The following EML6 variants were observed in gnomAD, a reference collection of about 807,000 sequenced individuals.
EML6 encodes EMAP like 6.
EML6 carries 154 observed loss-of-function variants against 240.1 expected under a neutral mutation model. That is an observed-to-expected ratio of 0.64 (90% confidence interval 0.56 to 0.73). The LOEUF is 0.73. Ranked by LOEUF, EML6 falls within the 30% of genes least tolerant of loss-of-function variation. The pLI, the probability that EML6 is intolerant of heterozygous loss-of-function variation, is 0.00. For missense variants in EML6, 2,964 were observed against 2,474.6 expected, an observed-to-expected ratio of 1.20 and a Z score of -4.20; for synonymous variants, 1,148 against 899.0, an observed-to-expected ratio of 1.28 and a Z score of -4.95.
intron 24 of EML6, among the ~76,000 whole-genome samples, chr2:54,907,771 G>A (rs951735704): frequency 6.6e-6 from 1 of 152,180 alleles, no homozygotes; most frequent in Non-Finnish European, 1.5e-5. Flanking sequence ...GAATAAAAAT[G>A]TGATTCTGAA....
intron 5 of EML6, among the ~76,000 whole-genome samples, chr2:54,823,312 C>G (rs1668416993): frequency 6.6e-6 from 1 of 152,086 alleles, no homozygotes; most frequent in South Asian, 2.1e-4. Flanking sequence ...GGAGGCAGAA[C>G]TAGGCGAGGG....
intron 5 of EML6, among the ~76,000 whole-genome samples, chr2:54,827,031 A>AG (rs1668631371): frequency 6.6e-6 from 1 of 151,928 alleles, no homozygotes; most frequent in Non-Finnish European, 1.5e-5. Flanking sequence ...AAATTAGCTG[A>AG]GCTTGGTGGT....
chr2:54,951,908 G>C (rs936290605), intron 30 of EML6, among the ~76,000 whole-genome samples: 1 of 151,738 alleles, frequency 6.6e-6, no homozygotes, highest in Non-Finnish European at 1.5e-5. Flanking sequence ...CCTTCCTTGT[G>C]TATCTACACC....
intron 10 of EML6, among the ~76,000 whole-genome samples, chr2:54,850,932 AAAAG>A (rs1347221795): frequency 1.3e-5 from 2 of 152,262 alleles, no homozygotes; most frequent in African/African-American, 2.4e-5. Flanking sequence ...CTGAGCAAAC[AAAAG>A]AAAGTTGTGG....
intron 2 of EML6, among the ~76,000 whole-genome samples, chr2:54,753,662 GTTTTT>G (rs59382484): frequency 7.5e-6 from 1 of 133,802 alleles, no homozygotes. Flanking sequence ...GCAGTCCTGA[GTTTTT>G]TTTTTTTTTT....
rs947831290 is a variant in EML6, at chr2:54,869,133, A to G, written c.2052-48A>G. 7 of 1,326,080 alleles carry G rather than the reference A, an allele frequency of 5.3e-6. No homozygotes were observed. In the Admixed American group the frequency reaches 1.4e-4, roughly 27 times the overall value. 82.1% of individuals were successfully genotyped at this position (1,326,080 alleles called of 1,614,324 possible). A position where few individuals can be genotyped will look rare whatever the true frequency, so the allele number is the denominator to read the frequency against. On this transcript the variant is annotated intron_variant, in intron 14 of 41. Transcript: ENST00000356458. ...GCCTCTGACACCTCCTGCTCCATGC[A>G]TTTGCTGTTTGTTCAACCACTATGC...
At chr2:54,911,073 T>G (rs982580407) in intron 25 of EML6, 31 bp downstream of exon 25, 6 of 1,193,186 alleles carry the variant, frequency 5.0e-6, no homozygotes, top group Non-Finnish European at 7.2e-6. Context: ...TTTTTAAAGA[T>G]ATTTTGTGAA....
At position 54,971,860 on chromosome 2, in the gene EML6, T is replaced by C. The variant is rs1482098392; in HGVS notation, c.*1765T>C. 6.6e-6 allele frequency: 1 copy of C among 152,252 alleles called. No homozygotes were observed. Among genetic ancestry groups the C allele is most frequent in the African/African-American group, 2.4e-5 (1 of 41,466 alleles). 9.4% of individuals were successfully genotyped at this position (152,252 alleles called of 1,614,324 possible). A position where few individuals can be genotyped will look rare whatever the true frequency, so the allele number is the denominator to read the frequency against. ...GTGTCCGTGTGTCATGAAAAACTTA[T>C]TTGTAAACGTTTATATGGTATGATT... On this transcript the variant is annotated 3_prime_UTR_variant, in exon 42 of 42. Transcript: ENST00000356458.
chr2:54,770,128 C>T (rs1384487860), intron 2 of EML6, among the ~76,000 whole-genome samples: 3 of 152,128 alleles, frequency 2.0e-5, no homozygotes, highest in African/African-American at 7.2e-5. Context: ...TTGCCATGGG[C>T]CAGTCTTGGG....
chr2:54,772,771 C>T (rs1175185268), intron 2 of EML6, among the ~76,000 whole-genome samples: 1 of 152,188 alleles, frequency 6.6e-6, no homozygotes, highest in Non-Finnish European at 1.5e-5. Context: ...TCTGCAGAGA[C>T]CATGTGTTTC....
intron 2 of EML6, among the ~76,000 whole-genome samples, chr2:54,746,844 A>G (rs1226950618): frequency 6.6e-6 from 1 of 152,234 alleles, no homozygotes; most frequent in Non-Finnish European, 1.5e-5. Context: ...CAATAAATCA[A>G]TGGAAATGTT....
intron 2 of EML6, among the ~76,000 whole-genome samples, chr2:54,790,631 A>G (rs1419485346): frequency 1.3e-5 from 2 of 152,076 alleles, no homozygotes; most frequent in Non-Finnish European, 2.9e-5. Context: ...TTTTTGACGT[A>G]CTTATCACCA....
chr2:54,853,247 A>T (rs78565901), intron 10 of EML6, among the ~76,000 whole-genome samples: 2,920 of 152,306 alleles, frequency 0.019, 92 homozygotes, highest in African/African-American at 0.066. Flanking sequence ...AATAATACAA[A>T]GCATAATACC....
chr2:54,813,699 T>C (rs1667961204), intron 3 of EML6, among the ~76,000 whole-genome samples: 1 of 152,224 alleles, frequency 6.6e-6, no homozygotes, highest in South Asian at 2.1e-4. Context: ...TGTTGTTAGC[T>C]TCCTATTTGG....
At chr2:54,962,789 G>C (rs11903388) in intron 36 of EML6, 78 bp downstream of exon 36, 1 of 1,254,194 alleles carries the variant, frequency 8.0e-7, no homozygotes, top group Non-Finnish European at 1.1e-6. Context: ...GAGAGGCCCA[G>C]CCAGCGTCAT....
At position 54,742,713 on chromosome 2, in the gene EML6, T is replaced by G. The variant is rs545744232; in HGVS notation, c.197+17455T>G. ...AGTTGTTACACAGCCAGCCTCAGCT[T>G]CTTCCTCTAGACACACTGGTAGATT... On this transcript the variant is annotated intron_variant, in intron 2 of 41. Coordinates refer to ENST00000356458, the MANE Select transcript of EML6 (RefSeq NM_001039753.4). Among the ~76,000 whole-genome samples the G allele has an allele frequency of 8.5e-5, 13 of 152,344 alleles. No homozygotes were observed. The South Asian group carries it at 2.7e-3, about 32-fold the overall frequency.
At chr2:54,943,115 G>C (rs898938466) in intron 28 of EML6, among the ~76,000 whole-genome samples, 1 of 152,276 alleles carries the variant, frequency 6.6e-6, no homozygotes, top group African/African-American at 2.4e-5. Context: ...CAGTCATCCA[G>C]GTTTCAACTC....
In EML6 at chr2:54,928,421, G is replaced by A. The variant is rs974271234; in HGVS notation, c.3784G>A (p.Ala1262Thr). 2 of 1,544,934 alleles carry A rather than the reference G, an allele frequency of 1.3e-6. No individual in the cohort carries two copies. Among genetic ancestry groups the A allele is most frequent in the Non-Finnish European group, 1.7e-6 (2 of 1,143,384 alleles). ...GCTCACGGTGGGCGGCGCCGACACAGCCCTGATGATCTGGACCAGGGAGTT... is the reference window on the plus strand; with the variant it reads ...GCTCACGGTGGGCGGCGCCGACACAACCCTGATGATCTGGACCAGGGAGTT... ...VLLTVGGADT[A>T]LMIWTREFVG... The change falls in exon 27 of 42, where the codon GCC becomes ACC. Residue 1262 changes from alanine to threonine, a missense_variant. Physicochemically the swap from Ala to Thr is moderately conservative, Grantham distance 58. Coordinates refer to ENST00000356458, the MANE Select transcript of EML6 (RefSeq NM_001039753.4).
intron 22 of EML6, among the ~76,000 whole-genome samples, chr2:54,900,528 A>C (rs1439432115): frequency 1.3e-5 from 2 of 152,176 alleles, no homozygotes; most frequent in African/African-American, 4.8e-5. Flanking sequence ...GGAGGAGAGG[A>C]CAATTGCTGC....
Sources: allele counts gnomAD v4.1 joint callset (sites outside exome capture counted in the v4.1 genomes callset), GRCh38; gene constraint gnomAD v4.1.1; transcripts MANE v1.5; gene names NCBI Gene and HGNC (gene_info 2026-07-23, HGNC 2026-07-21).